The following ARHGAP5 variants were observed in gnomAD, a reference collection of about 807,000 sequenced individuals.
ARHGAP5 encodes rho GTPase-activating protein 5.
In ARHGAP5, 23 loss-of-function variants were observed where a neutral mutation model predicts 116.6. That is an observed-to-expected ratio of 0.20 (90% CI 0.14 to 0.28). The LOEUF is 0.28. ARHGAP5 is among the 10% of genes least tolerant of loss of function. The pLI is 1.00. For synonymous variants in ARHGAP5, 574 were observed against 602.0 expected, an observed-to-expected ratio of 0.95 and a Z score of 0.68; for missense variants, 1,405 against 1,774.8, an observed-to-expected ratio of 0.79 and a Z score of 3.74.
intron 2 of ARHGAP5, among the ~76,000 whole-genome samples, chr14:32,116,932 A>T (rs941735040): frequency 2.1e-4 from 32 of 152,324 alleles, no homozygotes; most frequent in African/African-American, 6.7e-4. Flanking sequence ...ATTTTCTTTC[A>T]ATAAGCCATT....
At position 32,159,197 on chromosome 14, in the gene ARHGAP5, T is replaced by C. The variant is rs189125052; in HGVS notation, c.*4249T>C. On this transcript the variant is annotated 3_prime_UTR_variant, in exon 7 of 7. Transcript: ENST00000345122. ...TAATTTGGTGCTGGCAGTTCTGGTT[T>C]AGTCATTTTTACCAGTAGTTAGTAG... is the stretch of plus-strand genomic sequence containing the variant. 2.6e-4 allele frequency: 39 copies of C among 152,302 alleles called. No homozygotes were observed. Among genetic ancestry groups the C allele is most frequent in the African/African-American group, 9.4e-4 (39 of 41,580 alleles). 9.4% of individuals were successfully genotyped at this position (152,302 alleles called of 1,614,324 possible). A position where few individuals can be genotyped will look rare whatever the true frequency, so the allele number is the denominator to read the frequency against.
rs567304556 is a variant in ARHGAP5 at position 32,112,108 on chromosome 14, C to T, written c.3718-5032C>T. On this transcript the variant is annotated intron_variant, in intron 2 of 6. Coordinates refer to ENST00000345122, the MANE Select transcript of ARHGAP5 (RefSeq NM_001030055.2). Reference sequence around the variant, plus strand: ...CTGGGATTACAGGCGTGAGCCACCACGCCTGGCCTCTTTGATTTTTTTAAT... The same window carrying T: ...CTGGGATTACAGGCGTGAGCCACCATGCCTGGCCTCTTTGATTTTTTTAAT... Among the ~76,000 whole-genome samples, 7 of 152,198 alleles carry T rather than the reference C, an allele frequency of 4.6e-5. No individual in the cohort carries two copies. In the East Asian group the frequency reaches 5.8e-4, roughly 13 times the overall value.
chr14:32,112,796 G>A (rs757649974), intron 2 of ARHGAP5, among the ~76,000 whole-genome samples: 4 of 152,026 alleles, frequency 2.6e-5, no homozygotes, highest in African/African-American at 2.4e-5. Context: ...ATGTGAACCC[G>A]GAAGGCGGAG....
chr14:32,114,929 CT>C (rs1419284454), intron 2 of ARHGAP5, among the ~76,000 whole-genome samples: 1 of 152,154 alleles, frequency 6.6e-6, no homozygotes, highest in African/African-American at 2.4e-5. Context: ...AAAATGATAC[CT>C]TTTTGTCCAA....
rs773413531 is a variant in ARHGAP5, at chr14:32,092,592, G to A, written c.1923G>A (p.Ser641=). The A allele has an allele frequency of 2.0e-5, 33 of 1,613,458 alleles. No individual in the cohort carries two copies. Among genetic ancestry groups the A allele is most frequent in the Non-Finnish European group, 2.5e-5 (30 of 1,179,832 alleles). The change falls in exon 2 of 7, where the codon TCG becomes TCA. Residue 641 remains serine, a synonymous_variant. Coordinates refer to ENST00000345122, the MANE Select transcript of ARHGAP5 (RefSeq NM_001030055.2). The surrounding 1 kb of genome is among the most constrained non-coding windows in gnomAD (Gnocchi z 4.1). The part of the protein sequence containing the change: ...ELDLRPVDAK[S]PYFLSQLWTA... ...ATCTTCGGCCGGTTGATGCCAAATC[G>A]CCTTACTTTTTGAGTCAGTTATGGA...
rs563955212 is a variant in ARHGAP5, at chr14:32,158,016, T to A, written c.*3068T>A. On this transcript the variant is annotated 3_prime_UTR_variant, in exon 7 of 7. Coordinates refer to ENST00000345122, the MANE Select transcript of ARHGAP5 (RefSeq NM_001030055.2). ...AATTTTAAAAAGTCAAAAGTGCTTT[T>A]GTTTCTTTGTTTAATGTAATTTTTG... 1 of 151,886 alleles carries A rather than the reference T, an allele frequency of 6.6e-6. No homozygotes were observed. The highest frequency in any genetic ancestry group is 1.9e-4 in the East Asian group (1 of 5,188). 9.4% of individuals were successfully genotyped at this position (151,886 alleles called of 1,614,324 possible).
At chr14:32,089,977 CTT>C (rs2041868715) in intron 1 of ARHGAP5, among the ~76,000 whole-genome samples, 1 of 151,640 alleles carries the variant, frequency 6.6e-6, no homozygotes, top group Non-Finnish European at 1.5e-5. Flanking sequence ...TTAAAAAAGA[CTT>C]GAAATTTATT....
intron 2 of ARHGAP5, among the ~76,000 whole-genome samples, chr14:32,115,770 G>C (rs1879535479): frequency 6.7e-6 from 1 of 148,476 alleles, no homozygotes; most frequent in Non-Finnish European, 1.5e-5. Context: ...AGGAGTTCGA[G>C]ACTAGCCTGG....
At chr14:32,113,755 A>G (rs1426827488) in intron 2 of ARHGAP5, among the ~76,000 whole-genome samples, 1 of 152,256 alleles carries the variant, frequency 6.6e-6, no homozygotes, top group Non-Finnish European at 1.5e-5. Flanking sequence ...GAAAGTTTAA[A>G]TTGACTCCTA....
In ARHGAP5 at chr14:32,090,652, A is replaced by G; in HGVS notation, c.-18A>G. On this transcript the variant is annotated 5_prime_UTR_variant, in exon 2 of 7. Transcript: ENST00000345122. ...TATCTGGTTACCTTTATGAATGTAG[A>G]GACATGAGAAGAGAGTTATGATGGC... 1 of 1,552,354 alleles carries G rather than the reference A, an allele frequency of 6.4e-7. No individual in the cohort carries two copies. The highest frequency in any genetic ancestry group is 8.7e-7 in the Non-Finnish European group (1 of 1,151,024).
chr14:32,112,620 C>A (rs1476857983), intron 2 of ARHGAP5, among the ~76,000 whole-genome samples: 4 of 152,208 alleles, frequency 2.6e-5, no homozygotes, highest in South Asian at 4.1e-4. Flanking sequence ...CGCCTATAAT[C>A]CCAGCACTTT....
chr14:32,108,507 G>T (rs1879124155), intron 2 of ARHGAP5, among the ~76,000 whole-genome samples: 1 of 151,804 alleles, frequency 6.6e-6, no homozygotes, highest in Non-Finnish European at 1.5e-5. Flanking sequence ...ATAGAGTAGG[G>T]TTATAGTTAG....
intron 3 of ARHGAP5, among the ~76,000 whole-genome samples, chr14:32,117,586 ATATAGT>A (rs1004552519): frequency 1.3e-5 from 2 of 152,188 alleles, no homozygotes; most frequent in African/African-American, 2.4e-5. Context: ...TAGTGAAGAG[ATATAGT>A]TATGGTTTGA....
intron 2 of ARHGAP5, among the ~76,000 whole-genome samples, chr14:32,109,440 T>C (rs1054551984): frequency 6.6e-6 from 1 of 152,128 alleles, no homozygotes; most frequent in Non-Finnish European, 1.5e-5. Context: ...AGTGTAATTA[T>C]ATTATCTCTC....
intron 3 of ARHGAP5, among the ~76,000 whole-genome samples, chr14:32,136,895 A>G (rs1293709953): frequency 1.3e-5 from 2 of 151,626 alleles, no homozygotes; most frequent in Non-Finnish European, 2.9e-5. Flanking sequence ...CCTTCTTTGG[A>G]GAAATTTTTT....
intron 3 of ARHGAP5, among the ~76,000 whole-genome samples, chr14:32,139,459 G>GT (rs1880981571): frequency 6.6e-6 from 1 of 151,924 alleles, no homozygotes; most frequent in Non-Finnish European, 1.5e-5. Context: ...TTCTAAAAAA[G>GT]TTTATTTCAT....
intron 3 of ARHGAP5, among the ~76,000 whole-genome samples, chr14:32,128,008 G>C (rs1055896042): frequency 6.6e-6 from 1 of 150,806 alleles, no homozygotes; most frequent in African/African-American, 2.4e-5. Flanking sequence ...CTCCCAGACG[G>C]GGTGGCGGCC....
At chr14:32,145,554 C>T (rs902398719) in intron 3 of ARHGAP5, among the ~76,000 whole-genome samples, 7 of 152,080 alleles carry the variant, frequency 4.6e-5, no homozygotes, top group African/African-American at 1.7e-4. Flanking sequence ...GCCTCTCCAA[C>T]GCCCAGTCAT....
In ARHGAP5 at chr14:32,152,502, C is replaced by G; in HGVS notation, c.4155C>G (p.Phe1385Leu). ...TTCATCCTGTAAACTATGATGTATT[C>G]AGATACGTGATAACACATCTAAACA... ...KKFHPVNYDVFRYVITHLNRV... is the reference protein window; with the variant it reads ...KKFHPVNYDVLRYVITHLNRV... The change falls in exon 6 of 7, where the codon TTC becomes TTG. Residue 1385 changes from phenylalanine to leucine, a missense_variant. By Grantham distance (22) the Phe-to-Leu change is conservative. This residue lies in a region of ARHGAP5 where 176 missense variants were observed against 221.2 expected (regional missense o/e 0.80). Coordinates refer to ENST00000345122, the MANE Select transcript of ARHGAP5 (RefSeq NM_001030055.2). 6.3e-7 allele frequency: 1 copy of G among 1,598,774 alleles called. No individual in the cohort carries two copies. The highest frequency in any genetic ancestry group is 8.5e-7 in the Non-Finnish European group (1 of 1,173,024).
Sources: gnomAD v4.1 joint callset for allele counts (sites outside exome capture counted in the v4.1 genomes callset) on GRCh38, gnomAD v4.1.1 for gene constraint, gnomAD v4.1.1 regional missense constraint, Gnocchi (gnomAD v3.1) non-coding constraint, MANE v1.5 for transcripts, NCBI Gene and HGNC (gene_info 2026-07-23, HGNC 2026-07-21) for gene names.